VIPR1: variants seen among roughly 807,000 people sequenced by gnomAD.
The protein encoded by VIPR1 is vasoactive intestinal peptide receptor 1, also known as vasoactive intestinal polypeptide receptor 1.
In VIPR1, 59 loss-of-function variants were observed where a neutral mutation model predicts 58.8. The ratio of observed to expected loss-of-function variants is 1.00; its 90% confidence interval spans 0.81 to 1.25. The LOEUF is 1.25. Ranked by LOEUF, VIPR1 falls within the 50% of genes most tolerant of loss-of-function variation. The pLI is 0.00. For missense variants in VIPR1, 626 were observed against 602.7 expected (o/e 1.04, Z -0.40); for synonymous variants, 251 against 242.1 (o/e 1.04, Z -0.34).
Position 42,527,829 on chromosome 3 carries a change from G to A in VIPR1, c.504-162G>A. On this transcript the variant is annotated intron_variant, in intron 5 of 12. Coordinates refer to ENST00000325123, the MANE Select transcript of VIPR1 (RefSeq NM_004624.4). Reference sequence around the variant, plus strand: ...TGCACAGGTGGATGGGGTACCTGGGGGTGGGGCTCGTATTTCAGGATGGGA... The same window carrying A: ...TGCACAGGTGGATGGGGTACCTGGGAGTGGGGCTCGTATTTCAGGATGGGA... 3 of 1,048,006 alleles carry A rather than the reference G, an allele frequency of 2.9e-6. No individual in the cohort carries two copies. The East Asian group carries it at 7.2e-5, about 25-fold the overall frequency. 64.9% of individuals were successfully genotyped at this position (1,048,006 alleles called of 1,614,324 possible).
chr3:42,515,380 C>T (rs1488306309), intron 2 of VIPR1, among the ~76,000 whole-genome samples: 1 of 152,206 alleles, frequency 6.6e-6, no homozygotes. Flanking sequence ...CTGGGCCTGC[C>T]CACTACCTAC....
Position 42,528,065 on chromosome 3 carries a change from T to C in VIPR1, c.578T>C (p.Phe193Ser). The C allele has an allele frequency of 6.2e-7, 1 of 1,614,072 alleles. No homozygotes were observed. The highest frequency in any genetic ancestry group is 8.5e-7 in the Non-Finnish European group (1 of 1,179,966). ...TTCATCCTGAGGGCTGCCGCTGTCT[T>C]CATCAAAGACTTGGCCCTCTTCGAC... is the stretch of plus-strand genomic sequence containing the variant. ...ISFILRAAAV[F>S]IKDLALFDSG... Residue 193 changes from phenylalanine (F) to serine (S), a missense_variant, in exon 6 of 13, where the codon TTC becomes TCC. Physicochemically the swap from Phe to Ser is radical, Grantham distance 155. Transcript: ENST00000325123.
rs1327981710 is a variant in VIPR1, at chr3:42,519,358, G to A, written c.292+28G>A. The A allele has an allele frequency of 4.5e-6, 7 of 1,571,418 alleles. No homozygotes were observed. The African/African-American group carries it at 9.6e-5, about 22-fold the overall frequency. On this transcript the variant is annotated intron_variant, in intron 3 of 12. Transcript: ENST00000325123. ...AAGACCCCTGGGTTGAAGAGGTGAT[G>A]TGAGTGGGGCCGGCTGGAGTGGGGA... is the stretch of plus-strand genomic sequence containing the variant.
chr3:42,505,487 G>A (rs1297048809), intron 1 of VIPR1, among the ~76,000 whole-genome samples: 1 of 152,244 alleles, frequency 6.6e-6, no homozygotes, highest in Non-Finnish European at 1.5e-5. Flanking sequence ...GACCACAGCT[G>A]CCCAGGCCCT....
intron 4 of VIPR1, 140 bp downstream of exon 4, chr3:42,526,133 A>G: frequency 1.2e-6 from 1 of 801,592 alleles, no homozygotes; most frequent in Non-Finnish European, 2.0e-6. Flanking sequence ...AGCCTCCTCC[A>G]GGCCTGCCTT....
upstream of VIPR1, among the ~76,000 whole-genome samples, chr3:42,502,415 G>T (rs1699902601): frequency 6.6e-6 from 1 of 152,226 alleles, no homozygotes; most frequent in South Asian, 2.1e-4. Context: ...AGCCCGGAGG[G>T]GCGAAGGCCT....
At chr3:42,503,600 A>G (rs1370892903) in intron 1 of VIPR1, among the ~76,000 whole-genome samples, 3 of 152,140 alleles carry the variant, frequency 2.0e-5, no homozygotes. Flanking sequence ...TGGATGGCTT[A>G]CCTGGGCTGG....
chr3:42,499,140 A>G (rs1244957500), upstream of VIPR1, among the ~76,000 whole-genome samples: 1 of 152,174 alleles, frequency 6.6e-6, no homozygotes, highest in Non-Finnish European at 1.5e-5. Context: ...CTGGCAGGGG[A>G]ATCCTAGAGC....
chr3:42,519,162 C>A, intron 2 of VIPR1, 61 bp from the exon 3 acceptor site: 1 of 1,385,236 alleles, frequency 7.2e-7, no homozygotes, highest in South Asian at 1.5e-5. Context: ...TGGCCTCAGG[C>A]CCCAGGGCTG....
chr3:42,507,378 C>G (rs900854521), intron 1 of VIPR1: 1 of 152,258 alleles, frequency 6.6e-6, no homozygotes, highest in Non-Finnish European at 1.5e-5. Flanking sequence ...CGTGCAGCCC[C>G]TCTCATGCGG....
At chr3:42,519,820 A>G (rs894042094) in intron 3 of VIPR1, among the ~76,000 whole-genome samples, 3 of 152,204 alleles carry the variant, frequency 2.0e-5, no homozygotes, top group African/African-American at 4.8e-5. Context: ...GAGATTCACA[A>G]TATAGATTCA....
At chr3:42,506,760 T>TCAGGTGATCCACCTGCCTC (rs1298586247) in intron 1 of VIPR1, 1 of 152,204 alleles carries the variant, frequency 6.6e-6, no homozygotes, top group African/African-American at 2.4e-5. Flanking sequence ...ACTCCTGGCT[T>TCAGGTGATCCACCTGCCTC]CAGGTGATCC....
At chr3:42,507,800 T>G (rs1301748408) in intron 1 of VIPR1, 1 of 152,094 alleles carries the variant, frequency 6.6e-6, no homozygotes, top group Non-Finnish European at 1.5e-5. Context: ...TGTCCTGATA[T>G]CACTCTGAGA....
chr3:42,527,616 T>C (rs2276832), intron 5 of VIPR1, 120 bp downstream of exon 5: 186,581 of 915,912 alleles, frequency 0.2, 25,610 homozygotes, highest in East Asian at 0.59. Context: ...CAGCAGCACA[T>C]ACTCCCCAGC....
At chr3:42,526,777 C>T (rs773097585) in intron 4 of VIPR1, among the ~76,000 whole-genome samples, 6 of 152,142 alleles carry the variant, frequency 3.9e-5, no homozygotes, top group Non-Finnish European at 5.9e-5. Context: ...TCGTGCTGCA[C>T]TGCACCTGTG....
In VIPR1 at chr3:42,532,495, C is replaced by A. The variant is rs377223882; in HGVS notation, c.1010+162C>A. 1.2e-5 allele frequency: 9 copies of A among 732,802 alleles called. No homozygotes were observed. In the East Asian group the frequency reaches 1.6e-4, roughly 13 times the overall value. 45.4% of individuals were successfully genotyped at this position (732,802 alleles called of 1,614,324 possible). ...ATGGCCTGGCTCAGCCCACCACCAT[C>A]CCCTGCTCCAGCCCCACCCTCACCA... On this transcript the variant is annotated intron_variant, in intron 10 of 12. Coordinates refer to ENST00000325123, the MANE Select transcript of VIPR1 (RefSeq NM_004624.4).
chr3:42,506,879 G>A (rs972287214), intron 1 of VIPR1: 4 of 152,062 alleles, frequency 2.6e-5, no homozygotes, highest in Admixed American at 6.6e-5. Flanking sequence ...TCTCCACCAC[G>A]TGTATAGTGT....
intron 10 of VIPR1, chr3:42,534,372 T>C (rs1701735800): frequency 6.6e-6 from 1 of 152,338 alleles, no homozygotes; most frequent in African/African-American, 2.4e-5. Context: ...TCTTCTCTCA[T>C]GGTCTCTCAT....
At chr3:42,513,501 G>T in intron 1 of VIPR1, 1 of 464,808 alleles carries the variant, frequency 2.2e-6, no homozygotes. Context: ...AGACAAAGCA[G>T]TTACAGCTGC....
Sources: allele counts gnomAD v4.1 joint callset (sites outside exome capture counted in the v4.1 genomes callset), GRCh38; gene constraint gnomAD v4.1.1; transcripts MANE v1.5; gene names NCBI Gene and HGNC (gene_info 2026-07-23, HGNC 2026-07-21).